KCNQ1: variants seen among roughly 807,000 people sequenced by gnomAD.
KCNQ1 encodes the protein potassium voltage-gated channel subfamily Q member 1, also known as potassium voltage-gated channel subfamily KQT member 1.
KCNQ1 carries 49 observed loss-of-function variants against 72.4 expected under a neutral mutation model. The observed-to-expected ratio is 0.68, with a 90% CI of 0.54 to 0.86. The LOEUF (loss-of-function observed/expected upper bound fraction) is 0.86. KCNQ1 is among the 40% of genes least tolerant of loss of function. The pLI, the probability that KCNQ1 is intolerant of heterozygous loss-of-function variation, is 0.00. For missense variants in KCNQ1, 790 were observed against 945.1 expected (o/e 0.84, Z 2.15); for synonymous variants, 450 against 412.6 (o/e 1.09, Z -1.10).
At chr11:2,583,321 T>G (rs989653821) in intron 6 of KCNQ1, 114 bp from the exon 7 acceptor site, 34 of 784,962 alleles carry the variant, frequency 4.3e-5, no homozygotes, top group Non-Finnish European at 7.4e-5. Flanking sequence ...GTCCTGGTGG[T>G]CAGGGTCTCT....
intron 1 of KCNQ1, among the ~76,000 whole-genome samples, chr11:2,506,314 C>G (rs1004297936): frequency 6.6e-6 from 1 of 152,204 alleles, no homozygotes; most frequent in African/African-American, 2.4e-5. Context: ...TATACGTGAA[C>G]TTTTTGAATT....
chr11:2,697,869 T>A (rs2133900075), intron 11 of KCNQ1: 2 of 398,672 alleles, frequency 5.0e-6, no homozygotes, highest in South Asian at 2.5e-4. Context: ...TGATTCGCAA[T>A]TTTAAAAAAT....
chr11:2,825,956 T>C (rs748128442), intron 15 of KCNQ1, among the ~76,000 whole-genome samples: 1 of 152,176 alleles, frequency 6.6e-6, no homozygotes, highest in Non-Finnish European at 1.5e-5. Context: ...CCTGTCCCCA[T>C]TGGCATGGTC....
In KCNQ1 at chr11:2,494,337, A is replaced by G. The variant is rs1846877945; in HGVS notation, c.387-33591A>G. Among the ~76,000 whole-genome samples, 1 of 151,924 alleles carries G rather than the reference A, an allele frequency of 6.6e-6. No homozygotes were observed. The highest frequency in any genetic ancestry group is 1.5e-5 in the Non-Finnish European group (1 of 68,000). ...CTCTTTTCCTATTTGAATACTCTTT[A>G]TTTTTTCGCTTGCCTTATTGTCCTG... is the stretch of plus-strand genomic sequence containing the variant. On this transcript the variant is annotated intron_variant, in intron 1 of 15. Transcript: ENST00000155840. The surrounding 1 kb of genome is among the most constrained non-coding windows in gnomAD (Gnocchi z 4.6).
chr11:2,731,286 G>A (rs1193872000), intron 11 of KCNQ1, among the ~76,000 whole-genome samples: 1 of 152,348 alleles, frequency 6.6e-6, no homozygotes, highest in East Asian at 1.9e-4. Context: ...GGGCCTCACC[G>A]CCCATGCACC....
rs540456663 is a variant in KCNQ1 at position 2,775,924 on chromosome 11, G to A, written c.1591-36G>A. ...CTTTGAGCCACATGGCTGGGGCACA[G>A]GGAGGAGAAGTGATGCGTGTCTTTT... On this transcript the variant is annotated intron_variant, in intron 12 of 15. Coordinates refer to ENST00000155840, the MANE Select transcript of KCNQ1 (RefSeq NM_000218.3). 1.9e-6 allele frequency: 3 copies of A among 1,546,308 alleles called. No homozygotes were observed. The South Asian group carries it at 3.6e-5, about 18-fold the overall frequency.
At chr11:2,786,085 T>C (rs887482294) in intron 15 of KCNQ1, among the ~76,000 whole-genome samples, 8 of 152,180 alleles carry the variant, frequency 5.3e-5, no homozygotes, top group Non-Finnish European at 2.9e-5. Flanking sequence ...ATCTTACATC[T>C]GGGATTACCT....
chr11:2,770,599 A>G (rs138329934), intron 12 of KCNQ1, among the ~76,000 whole-genome samples: 150 of 152,296 alleles, frequency 9.8e-4, no homozygotes, highest in African/African-American at 3.4e-3. Context: ...TCATGACTCA[A>G]CTGAACCAAG....
chr11:2,811,909 G>A (rs960776646), intron 15 of KCNQ1, among the ~76,000 whole-genome samples: 2 of 152,166 alleles, frequency 1.3e-5, no homozygotes, highest in African/African-American at 4.8e-5. Flanking sequence ...AGTGCCCGCC[G>A]CAGGATGACA....
intron 15 of KCNQ1, chr11:2,839,939 G>C (rs1848167482): frequency 6.6e-6 from 1 of 152,184 alleles, no homozygotes; most frequent in South Asian, 2.1e-4. Flanking sequence ...GCGGTCTCTA[G>C]GGCAGTTCTG....
rs1336261351 is a variant in KCNQ1 at position 2,599,898 on chromosome 11, G to C, written c.1393+11044G>C. 1.3e-5 allele frequency among the ~76,000 whole-genome samples: 2 copies of C among 152,254 alleles called. No homozygotes were observed. Among genetic ancestry groups the C allele is most frequent in the African/African-American group, 4.8e-5 (2 of 41,466 alleles). ...CTGAGTCACGTGCCGAGGTATTAAA[G>C]ACCAGGGCTTCAACTGCAAACCTTG... On this transcript the variant is annotated intron_variant, in intron 10 of 15. Transcript: ENST00000155840. This position sits in a 1 kb window ranked among gnomAD's most constrained non-coding sequence, Gnocchi z 4.7.
intron 10 of KCNQ1, chr11:2,656,001 T>C: frequency 5.0e-6 from 2 of 398,606 alleles, no homozygotes; most frequent in Non-Finnish European, 8.8e-6. Flanking sequence ...ACATTTTAAT[T>C]TCCTAAAACA....
intron 15 of KCNQ1, among the ~76,000 whole-genome samples, chr11:2,841,479 G>A (rs1017008568): frequency 6.6e-6 from 1 of 152,170 alleles, no homozygotes; most frequent in Non-Finnish European, 1.5e-5. Flanking sequence ...GGCATGGGGG[G>A]CAGGCTCAGA....
intron 14 of KCNQ1, 122 bp downstream of exon 14, chr11:2,777,154 T>C: frequency 2.0e-6 from 2 of 986,382 alleles, no homozygotes; most frequent in Non-Finnish European, 3.2e-6. Context: ...GTGCATGACA[T>C]GAAATGAAAG....
chr11:2,594,015 A>G (rs1277917305), intron 10 of KCNQ1, among the ~76,000 whole-genome samples: 1 of 152,138 alleles, frequency 6.6e-6, no homozygotes, highest in Non-Finnish European at 1.5e-5. Flanking sequence ...CTTTTAAACA[A>G]TCCTCTTTTT....
chr11:2,747,676 C>G (rs750636607), intron 11 of KCNQ1, among the ~76,000 whole-genome samples: 6 of 152,312 alleles, frequency 3.9e-5, no homozygotes, highest in Admixed American at 3.9e-4. Flanking sequence ...GTGGACACGT[C>G]TGGGCAGGCT....
At chr11:2,535,598 G>T (rs1343673776) in intron 2 of KCNQ1, among the ~76,000 whole-genome samples, 1 of 152,192 alleles carries the variant, frequency 6.6e-6, no homozygotes, top group Non-Finnish European at 1.5e-5. Context: ...GTCCTGGGGA[G>T]CCCTGTGCAA....
At chr11:2,831,299 T>C (rs234857) in intron 15 of KCNQ1, among the ~76,000 whole-genome samples, 41,108 of 152,090 alleles carry the variant, frequency 0.27, 5,633 homozygotes, top group Non-Finnish European at 0.3. Context: ...AGAAGAAGTA[T>C]GTGGCCCGGC....
In KCNQ1 at chr11:2,493,709, A is replaced by G. The variant is rs1299274836; in HGVS notation, c.387-34219A>G. 6.6e-6 allele frequency among the ~76,000 whole-genome samples: 1 copy of G among 152,034 alleles called. No individual in the cohort carries two copies. On this transcript the variant is annotated intron_variant, in intron 1 of 15. Coordinates refer to ENST00000155840, the MANE Select transcript of KCNQ1 (RefSeq NM_000218.3). The surrounding 1 kb of genome is among the most constrained non-coding windows in gnomAD (Gnocchi z 5.3). ...TCTGTTCTGTTCCATTGGTTTATAT[A>G]TCTGTCTTCATACCAGTACCATGCT...
Sources: allele counts gnomAD v4.1 joint callset (sites outside exome capture counted in the v4.1 genomes callset), GRCh38; gene constraint gnomAD v4.1.1; non-coding constraint Gnocchi (gnomAD v3.1); transcripts MANE v1.5; gene names NCBI Gene and HGNC (gene_info 2026-07-23, HGNC 2026-07-21).